Variants in KAT2B observed in about 807,000 individuals in gnomAD.
The protein encoded by KAT2B is histone acetyltransferase KAT2B.
KAT2B carries 36 observed loss-of-function variants against 105.9 expected under a neutral mutation model. The ratio of observed to expected loss-of-function variants is 0.34; its 90% CI spans 0.26 to 0.45. The LOEUF (loss-of-function observed/expected upper bound fraction) is 0.45, where lower values mean the gene tolerates loss of function less well. Ranked by LOEUF, KAT2B falls within the 20% of genes least tolerant of loss-of-function variation. KAT2B has a pLI of 1.00. For synonymous variants in KAT2B, 397 were observed against 377.9 expected, an observed-to-expected ratio of 1.05 and a Z score of -0.59; for missense variants, 820 against 1,021.6, an observed-to-expected ratio of 0.80 and a Z score of 2.69.
chr3:20,045,249 C>T (rs1697788570), intron 1 of KAT2B, among the ~76,000 whole-genome samples: 1 of 152,022 alleles, frequency 6.6e-6, no homozygotes, highest in Non-Finnish European at 1.5e-5. Context: ...AACTCCTGGG[C>T]TCAAGCAATC....
chr3:20,106,557 G>T (rs577816752), intron 5 of KAT2B, among the ~76,000 whole-genome samples: 1 of 152,050 alleles, frequency 6.6e-6, no homozygotes, highest in Non-Finnish European at 1.5e-5. Flanking sequence ...ATTAATCTTG[G>T]AAGTTAAGAA....
chr3:20,065,620 C>T (rs1291318134), intron 1 of KAT2B, among the ~76,000 whole-genome samples: 2 of 152,022 alleles, frequency 1.3e-5, no homozygotes, highest in Non-Finnish European at 2.9e-5. Context: ...AGTAACGAGT[C>T]CCATATATAT....
At chr3:20,053,475 T>C (rs573832658) in intron 1 of KAT2B, among the ~76,000 whole-genome samples, 2 of 152,274 alleles carry the variant, frequency 1.3e-5, no homozygotes, top group African/African-American at 4.8e-5. Flanking sequence ...GTCGAGGCTG[T>C]GGTGAGCCGT....
chr3:20,085,215 A>G (rs1415308893), intron 2 of KAT2B, among the ~76,000 whole-genome samples: 1 of 152,174 alleles, frequency 6.6e-6, no homozygotes, highest in Non-Finnish European at 1.5e-5. Context: ...AAAGTTTATA[A>G]GACAAAAATA....
chr3:20,130,637 C>T (rs548479473), intron 11 of KAT2B, among the ~76,000 whole-genome samples: 6 of 152,204 alleles, frequency 3.9e-5, no homozygotes, highest in South Asian at 4.1e-4. Context: ...GTATTTAATA[C>T]GAATTGGATA....
intron 9 of KAT2B, among the ~76,000 whole-genome samples, chr3:20,124,172 A>G (rs1699358897): frequency 6.6e-6 from 1 of 152,220 alleles, no homozygotes; most frequent in South Asian, 2.1e-4. Flanking sequence ...TAGTAACATT[A>G]CAGATTAGCT....
chr3:20,086,341 G>A (rs890466444), intron 2 of KAT2B, among the ~76,000 whole-genome samples: 1 of 152,140 alleles, frequency 6.6e-6, no homozygotes, highest in Non-Finnish European at 1.5e-5. Flanking sequence ...GCTTACACCT[G>A]TAATTCTAGC....
At chr3:20,083,273 T>C (rs1698551971) in intron 2 of KAT2B, among the ~76,000 whole-genome samples, 1 of 152,252 alleles carries the variant, frequency 6.6e-6, no homozygotes, top group Admixed American at 6.5e-5. Flanking sequence ...AATATGCTCC[T>C]AGACTCATAA....
intron 1 of KAT2B, among the ~76,000 whole-genome samples, chr3:20,066,209 A>G (rs1279577393): frequency 1.3e-5 from 2 of 152,050 alleles, no homozygotes; most frequent in African/African-American, 2.4e-5. Context: ...CTCTGCTTCT[A>G]TCTTCACTTG....
In KAT2B at chr3:20,140,249, A is replaced by C; in HGVS notation, c.1889A>C (p.Lys630Thr). 1.2e-6 allele frequency: 2 copies of C among 1,610,632 alleles called. No homozygotes were observed. The highest frequency in any genetic ancestry group is 2.2e-5 in the South Asian group (2 of 91,012). Residue 630 changes from lysine to threonine, a missense_variant, in exon 13 of 18, where the codon AAA (lysine) becomes ACA (threonine). Around this residue, in one of 6 missense-constraint regions of KAT2B, gnomAD observed 227 missense variants for 292.9 expected, o/e 0.77. Coordinates refer to ENST00000263754, the MANE Select transcript of KAT2B (RefSeq NM_003884.5). ...TTCTCCAAAGAAATTAAAATACCTA[A>C]AACCAAATATGTTGGCTATATCAAG... The part of the protein sequence containing the change: ...QGFSKEIKIP[K>T]TKYVGYIKDY...
At chr3:20,126,191 C>G (rs1339643714) in intron 10 of KAT2B, 78 bp downstream of exon 10, 22 of 1,196,768 alleles carry the variant, frequency 1.8e-5, no homozygotes, top group Non-Finnish European at 2.6e-5. Context: ...TGAAAGTCAG[C>G]CATAGTCATC....
In KAT2B at chr3:20,105,166, G is replaced by A. The variant is rs376661670; in HGVS notation, c.851+3698G>A. ...CTCCTAAAGTGCTGGGATTAAAGGC[G>A]TGAGCCACCTTGCTCAACCTAAATA... On this transcript the variant is annotated intron_variant, in intron 5 of 17. Transcript: ENST00000263754. Among the ~76,000 whole-genome samples, 240 of 152,230 alleles carry A rather than the reference G, an allele frequency of 1.6e-3. 2 individuals are homozygous for A. The South Asian group carries it at 0.022, about 14-fold the overall frequency.
At chr3:20,066,910 G>A (rs1025893412) in intron 1 of KAT2B, among the ~76,000 whole-genome samples, 2 of 152,130 alleles carry the variant, frequency 1.3e-5, no homozygotes, top group Admixed American at 1.3e-4. Flanking sequence ...AATTCAGGGT[G>A]TATTTTCAAA....
intron 4 of KAT2B, among the ~76,000 whole-genome samples, chr3:20,100,628 C>T (rs1196744726): frequency 6.6e-6 from 1 of 152,088 alleles, no homozygotes; most frequent in Non-Finnish European, 1.5e-5. Flanking sequence ...GCATTTTTAT[C>T]AGTCAGTTTT....
chr3:20,111,705 C>T lies in KAT2B; in HGVS notation c.961C>T (p.Arg321Ter), dbSNP rs1028745885. Residue 321 changes from arginine to a stop codon, truncating the protein, a stop_gained, in exon 6 of 18, where the codon CGA becomes TGA. Transcript: ENST00000263754. LOFTEE classifies it high-confidence loss of function. ...TCGCTCGGTCTTCACTGTTATGAGG[C>T]GACAACTCCTGGAACAAGCAAGACA... ...LLRSVFTVMR[R>*]QLLEQARQEK... is the part of the protein sequence containing the mutation. 1 of 1,613,948 alleles carries T rather than the reference C, an allele frequency of 6.2e-7. No homozygotes were observed. The highest frequency in any genetic ancestry group is 8.5e-7 in the Non-Finnish European group (1 of 1,179,904).
At position 20,119,636 on chromosome 3, in the gene KAT2B, A is replaced by G. The variant is rs147304960; in HGVS notation, c.1189A>G (p.Asn397Asp). The stretch of plus-strand genomic sequence containing the variant: ...TCCTGTGGCTGGGACAATTTCATAC[A>G]ATTCAACCTCATCTTCCCTTGAGCA... ...PPPVAGTISY[N>D]STSSSLEQPN... The change falls in exon 8 of 18, where the codon AAT becomes GAT. Residue 397 changes from asparagine (N) to aspartate (D), a missense_variant. Physicochemically the swap from Asn to Asp is conservative, Grantham distance 23 (BLOSUM62 1). Transcript: ENST00000263754. 1.9e-6 allele frequency: 3 copies of G among 1,613,946 alleles called. No individual in the cohort carries two copies. In the African/African-American group the frequency reaches 4.0e-5, roughly 22 times the overall value.
chr3:20,101,114 G>A lies in KAT2B; in HGVS notation c.670-173G>A, dbSNP rs11918735. ...CACTTTTCATCCACCGTGATCTGAGGCAAGATTCCCTCTGGGGATTGCTAT... is the reference window on the plus strand; with the variant it reads ...CACTTTTCATCCACCGTGATCTGAGACAAGATTCCCTCTGGGGATTGCTAT... On this transcript the variant is annotated intron_variant, in intron 4 of 17. Transcript: ENST00000263754. The A allele has an allele frequency of 0.015, 8,674 of 582,724 alleles. 407 individuals carry two copies. The highest frequency in any genetic ancestry group is 0.12 in the African/African-American group (6,159 of 53,464). 36.1% of individuals were successfully genotyped at this position (582,724 alleles called of 1,614,324 possible).
chr3:20,122,793 C>G lies in KAT2B; in HGVS notation c.1402C>G (p.Leu468Val), dbSNP rs771209664. Reference protein sequence around the residue: ...MSTITDPAAMLGPETNFLSAH... With the variant: ...MSTITDPAAMVGPETNFLSAH... ...TACCATCACGGACCCTGCAGCAATG[C>G]TTGGACCAGAGGTCAGCAGGGTAAA... is the stretch of plus-strand genomic sequence containing the variant. The change falls in exon 9 of 18, where the codon CTT becomes GTT. Residue 468 changes from leucine (L) to valine (V), a missense_variant. By Grantham distance (32) the Leu-to-Val change is conservative. Around this residue, in one of 6 missense-constraint regions of KAT2B, gnomAD observed 225 missense variants for 268.1 expected, o/e 0.84. Transcript: ENST00000263754. 1 of 1,612,664 alleles carries G rather than the reference C, an allele frequency of 6.2e-7. No homozygotes were observed. Among genetic ancestry groups the G allele is most frequent in the Non-Finnish European group, 8.5e-7 (1 of 1,179,168 alleles).
At chr3:20,118,895 C>G (rs1037098476) in intron 7 of KAT2B, among the ~76,000 whole-genome samples, 2 of 151,452 alleles carry the variant, frequency 1.3e-5, no homozygotes, top group African/African-American at 2.4e-5. Flanking sequence ...CATGTATTCT[C>G]TAACATAAAA....
Sources: allele counts gnomAD v4.1 joint callset (sites outside exome capture counted in the v4.1 genomes callset), GRCh38; gene constraint gnomAD v4.1.1; regional missense constraint gnomAD v4.1.1; transcripts MANE v1.5; gene names NCBI Gene and HGNC (gene_info 2026-07-23, HGNC 2026-07-21).